Variants in FAM107B observed in about 807,000 individuals in gnomAD.
The protein encoded by FAM107B is protein FAM107B.
A neutral mutation model predicts 31.5 loss-of-function variants in FAM107B; 21 were observed. The ratio of observed to expected loss-of-function variants is 0.67; its 90% confidence interval spans 0.47 to 0.96. The LOEUF (loss-of-function observed/expected upper bound fraction) is 0.96. Ranked by LOEUF, FAM107B falls within the 40% of genes least tolerant of loss-of-function variation. The pLI is 0.00. For missense variants in FAM107B, 452 were observed against 377.1 expected (o/e 1.20, Z -1.64); for synonymous variants, 157 against 141.5 (o/e 1.11, Z -0.78).
Position 14,639,097 on chromosome 10 carries a change from G to T in FAM107B, c.469+28537C>A, listed in dbSNP as rs560535189. Among the ~76,000 whole-genome samples the T allele has an allele frequency of 2.5e-3, 374 of 152,226 alleles. 3 individuals are homozygous for T. The highest frequency in any genetic ancestry group is 8.9e-3 in the African/African-American group (368 of 41,532). ...TAGTCCAAGCTATTTGGGGGGTTGA[G>T]GGGGGAGGATTGCTTGAGCCTGAGA... is the stretch of plus-strand genomic sequence containing the variant. On this transcript the variant is annotated intron_variant, in intron 2 of 4. Coordinates refer to ENST00000181796, the MANE Select transcript of FAM107B (RefSeq NM_031453.4).
At chr10:14,698,028 C>T (rs968544603) in intron 1 of FAM107B, among the ~76,000 whole-genome samples, 16 of 151,808 alleles carry the variant, frequency 1.1e-4, no homozygotes, top group South Asian at 2.1e-4. Context: ...AGGAGGCTGA[C>T]GCACAAGGAT....
intron 1 of FAM107B, among the ~76,000 whole-genome samples, chr10:14,755,496 CAAA>C (rs561070511): frequency 1.8e-5 from 2 of 113,810 alleles, no homozygotes; most frequent in Admixed American, 9.4e-5. Flanking sequence ...GATTCTGTCT[CAAA>C]AAAAAAAAAA....
At chr10:14,626,464 T>C (rs1853164574) in intron 2 of FAM107B, among the ~76,000 whole-genome samples, 1 of 151,988 alleles carries the variant, frequency 6.6e-6, no homozygotes, top group Non-Finnish European at 1.5e-5. Flanking sequence ...AGGACCTGAC[T>C]TTCACAGAAA....
intron 1 of FAM107B, among the ~76,000 whole-genome samples, chr10:14,741,221 TA>T (rs1421954952): frequency 6.6e-6 from 1 of 151,970 alleles, no homozygotes; most frequent in African/African-American, 2.4e-5. Flanking sequence ...GGAGCTGAGA[TA>T]TTGAGCAGAT....
chr10:14,585,488 G>A (rs567728574), intron 2 of FAM107B, among the ~76,000 whole-genome samples: 27 of 152,244 alleles, frequency 1.8e-4, no homozygotes, highest in Admixed American at 8.5e-4. Flanking sequence ...CCTGGGGGGC[G>A]CCAGGAAAAG....
chr10:14,672,520 T>C (rs1854585793), intron 1 of FAM107B, among the ~76,000 whole-genome samples: 1 of 152,348 alleles, frequency 6.6e-6, no homozygotes, highest in Middle Eastern at 3.4e-3. Flanking sequence ...AACATGAATA[T>C]GTGTTTGTTT....
At chr10:14,570,534 G>T (rs1287333359) in intron 2 of FAM107B, among the ~76,000 whole-genome samples, 2 of 152,212 alleles carry the variant, frequency 1.3e-5, no homozygotes, top group Admixed American at 1.3e-4. Flanking sequence ...AGGCACAGTG[G>T]CTGACGCCTA....
In FAM107B at chr10:14,774,546, A is replaced by T. The variant is rs1435317365; in HGVS notation, c.118T>A (p.Phe40Ile). 6.2e-7 allele frequency: 1 copy of T among 1,614,080 alleles called. No individual in the cohort carries two copies. The highest frequency in any genetic ancestry group is 1.3e-5 in the African/African-American group (1 of 74,940). ...CFGNTRESAS[F>I]NQSGVADTHS... ...GTATCAGCCACGCCGGACTGATTGA[A>T]GGAAGCACTCTCCCTCGTATTCCCA... is the stretch of plus-strand genomic sequence containing the variant. Residue 40 changes from phenylalanine to isoleucine, a missense_variant, in exon 1 of 5, where the codon TTC becomes ATC. Transcript: ENST00000181796.
chr10:14,656,149 G>T (rs889567180), intron 2 of FAM107B, among the ~76,000 whole-genome samples: 1 of 152,106 alleles, frequency 6.6e-6, no homozygotes, highest in Non-Finnish European at 1.5e-5. Context: ...AACCTGTTCT[G>T]GCCCCTGTGC....
intron 2 of FAM107B, among the ~76,000 whole-genome samples, chr10:14,560,269 T>C (rs1850123561): frequency 6.6e-6 from 1 of 152,174 alleles, no homozygotes; most frequent in Non-Finnish European, 1.5e-5. Flanking sequence ...TTAGGAGATA[T>C]AAAAGATGTA....
intron 1 of FAM107B, among the ~76,000 whole-genome samples, chr10:14,753,942 C>CTTT (rs199813069): frequency 3.0e-5 from 4 of 134,136 alleles, no homozygotes; most frequent in Non-Finnish European, 3.2e-5. Flanking sequence ...TCTTTTTTTT[C>CTTT]TTTTTTTTTT....
At chr10:14,639,539 A>G (rs1216379893) in intron 2 of FAM107B, among the ~76,000 whole-genome samples, 1 of 152,144 alleles carries the variant, frequency 6.6e-6, no homozygotes, top group Non-Finnish European at 1.5e-5. Flanking sequence ...AAAATTAACA[A>G]GATTTCTCAT....
At chr10:14,558,278 C>CGCACACACACACAT (rs1849886608) in intron 2 of FAM107B, among the ~76,000 whole-genome samples, 1 of 148,924 alleles carries the variant, frequency 6.7e-6, no homozygotes. Context: ...CATACGTGCA[C>CGCACACACACACAT]GCACACACAC....
At chr10:14,603,767 C>T (rs1040058935) in intron 2 of FAM107B, among the ~76,000 whole-genome samples, 5 of 152,102 alleles carry the variant, frequency 3.3e-5, no homozygotes, top group Non-Finnish European at 7.4e-5. Context: ...CCACCGTCGG[C>T]GCGGGGCAAA....
chr10:14,626,725 G>A (rs964735630), intron 2 of FAM107B, among the ~76,000 whole-genome samples: 3 of 151,978 alleles, frequency 2.0e-5, no homozygotes, highest in Admixed American at 6.6e-5. Context: ...GGATGGTCTC[G>A]ATCTCCTGAC....
chr10:14,604,401 C>G (rs1163819658), intron 2 of FAM107B: 3 of 238,662 alleles, frequency 1.3e-5, no homozygotes, highest in African/African-American at 4.7e-5. Context: ...GGGCGGCTCT[C>G]GCTCCCCGCG....
At chr10:14,588,103 T>C (rs1368031922) in intron 2 of FAM107B, among the ~76,000 whole-genome samples, 5 of 152,180 alleles carry the variant, frequency 3.3e-5, no homozygotes, top group African/African-American at 9.7e-5. Flanking sequence ...GCCTAATGTC[T>C]GACAGCGCTT....
At chr10:14,691,855 C>T (rs1855143590) in intron 1 of FAM107B, among the ~76,000 whole-genome samples, 1 of 144,234 alleles carries the variant, frequency 6.9e-6, no homozygotes, top group Admixed American at 7.1e-5. Context: ...GATCGTGCCA[C>T]TGCAAGCCAG....
At chr10:14,759,319 A>T (rs1832995920) in intron 1 of FAM107B, among the ~76,000 whole-genome samples, 1 of 152,128 alleles carries the variant, frequency 6.6e-6, no homozygotes, top group Non-Finnish European at 1.5e-5. Flanking sequence ...TATTTTTTTT[A>T]AATCTTTGTT....
Sources: gnomAD v4.1 joint callset for allele counts (sites outside exome capture counted in the v4.1 genomes callset) on GRCh38, gnomAD v4.1.1 for gene constraint, MANE v1.5 for transcripts, NCBI Gene and HGNC (gene_info 2026-07-23, HGNC 2026-07-21) for gene names.